The following COQ6 variants were observed in gnomAD, a reference collection of about 807,000 sequenced individuals.
The protein encoded by COQ6 is ubiquinone biosynthesis monooxygenase COQ6, mitochondrial.
Under a neutral mutation model 55.5 loss-of-function variants are expected in COQ6, and 45 were observed. The observed-to-expected ratio is 0.81, with a 90% CI of 0.64 to 1.04. COQ6 has a LOEUF of 1.04. Among genes scored for constraint, COQ6 ranks in the 50% least tolerant of loss-of-function variants. COQ6 has a pLI of 0.00. For synonymous variants in COQ6, 206 were observed against 230.5 expected, an observed-to-expected ratio of 0.89 and a Z score of 0.96; for missense variants, 550 against 601.3, an observed-to-expected ratio of 0.91 and a Z score of 0.89.
chr14:73,962,718 G>A, intron 11 of COQ6: 1 of 516,416 alleles, frequency 1.9e-6, no homozygotes, highest in East Asian at 3.3e-5. Context: ...ATAGGAGGCT[G>A]GGGAGGGAGG....
upstream of COQ6, chr14:73,949,919 A>C (rs2056119931): frequency 6.2e-7 from 1 of 1,606,356 alleles, no homozygotes; most frequent in Non-Finnish European, 8.5e-7. Flanking sequence ...GCAACGCCCA[A>C]CAGTTTCCTC....
intron 3 of COQ6, 53 bp downstream of exon 3, chr14:73,955,562 A>G: frequency 6.5e-7 from 1 of 1,537,730 alleles, no homozygotes; most frequent in Middle Eastern, 1.7e-4. Context: ...GTCTTAAGAT[A>G]TCGGAGTCCA....
chr14:73,963,096 C>T lies in COQ6; in HGVS notation c.*97C>T. 1 of 1,024,984 alleles carries T rather than the reference C, an allele frequency of 9.8e-7. No homozygotes were observed. Among genetic ancestry groups the T allele is most frequent in the Non-Finnish European group, 1.5e-6 (1 of 651,680 alleles). 63.5% of individuals were successfully genotyped at this position (1,024,984 alleles called of 1,614,324 possible). ...TCAAGATCTTATTTAATTTAATAAA[C>T]TTACTTTACATTAAAATTCTCTTTT... On this transcript the variant is annotated 3_prime_UTR_variant, in exon 12 of 12. Coordinates refer to ENST00000334571, the MANE Select transcript of COQ6 (RefSeq NM_182476.3).
rs1268482443 is a variant in COQ6, at chr14:73,953,446, C to T, written c.175C>T (p.His59Tyr). The change falls in exon 2 of 12, where the codon CAC becomes TAC. Residue 59 changes from histidine (H) to tyrosine (Y), a missense_variant. His to Tyr is a moderately conservative substitution (Grantham distance 83, BLOSUM62 2). Coordinates refer to ENST00000334571, the MANE Select transcript of COQ6 (RefSeq NM_182476.3). ...TTTCTTTTTTTAAGGATATGATATT[C>T]ACTTTCATGACAAGAAAATCCTGTT... ...AMACALGYDI[H>Y]FHDKKILLLE... 1.2e-5 allele frequency: 20 copies of T among 1,613,316 alleles called. No individual in the cohort carries two copies. The highest frequency in any genetic ancestry group is 1.7e-5 in the Non-Finnish European group (20 of 1,179,486).
rs549987655 is a variant in COQ6, at chr14:73,960,584, A to G, written c.892-589A>G. ...CCTGGCACAGGTCTAGGTCCTCTGCAGTGCAGTCATTCACCATTAATTGTC... is the reference window on the plus strand; with the variant it reads ...CCTGGCACAGGTCTAGGTCCTCTGCGGTGCAGTCATTCACCATTAATTGTC... On this transcript the variant is annotated intron_variant, in intron 8 of 11. Transcript: ENST00000334571. 1.6e-4 allele frequency: 170 copies of G among 1,033,964 alleles called. No individual in the cohort carries two copies. In the South Asian group the frequency reaches 3.5e-3, roughly 21 times the overall value. 64.0% of individuals were successfully genotyped at this position (1,033,964 alleles called of 1,614,324 possible).
At chr14:73,961,030 G>A in intron 8 of COQ6, 143 bp from the exon 9 acceptor site, 1 of 933,212 alleles carries the variant, frequency 1.1e-6, no homozygotes, top group Non-Finnish European at 1.7e-6. Flanking sequence ...GCACTTGAGG[G>A]GCTTATCACT....
At chr14:73,957,020 GT>G (rs1398236471) in intron 4 of COQ6, among the ~76,000 whole-genome samples, 16 of 152,156 alleles carry the variant, frequency 1.1e-4, no homozygotes, top group Admixed American at 5.9e-4. Context: ...TTGTCTCTGA[GT>G]AGTTTAAGGG....
At chr14:73,962,618 G>T (rs950683865) in intron 11 of COQ6, 3 of 219,646 alleles carry the variant, frequency 1.4e-5, no homozygotes, top group African/African-American at 4.6e-5. Flanking sequence ...TCCTTTTGCT[G>T]CTTGACTAGT....
At chr14:73,956,322 C>T (rs372920477) in intron 4 of COQ6, 2,472 of 133,998 alleles carry the variant, frequency 0.018, 23 homozygotes, top group Middle Eastern at 0.065. Flanking sequence ...AGCAAGACTC[C>T]GTCTCAAAAA....
chr14:73,961,438 C>T lies in COQ6; in HGVS notation c.1095-17C>T. On this transcript the variant is annotated splice_polypyrimidine_tract_variant and intron_variant, in intron 9 of 11. Coordinates refer to ENST00000334571, the MANE Select transcript of COQ6 (RefSeq NM_182476.3). ...TTTGCTGCCAGAGGTCACACCTGAACTCTGCTTTATTCTTAGGGATGCAGC... is the reference window on the plus strand; with the variant it reads ...TTTGCTGCCAGAGGTCACACCTGAATTCTGCTTTATTCTTAGGGATGCAGC... 4 of 1,614,178 alleles carry T rather than the reference C, an allele frequency of 2.5e-6. No individual in the cohort carries two copies. The highest frequency in any genetic ancestry group is 3.4e-6 in the Non-Finnish European group (4 of 1,180,016).
In COQ6 at chr14:73,950,455, G is replaced by A. The variant is rs2056142314; in HGVS notation, c.123G>A (p.Ser41=). 1.2e-6 allele frequency: 2 copies of A among 1,609,828 alleles called. No individual in the cohort carries two copies. Among genetic ancestry groups the A allele is most frequent in the African/African-American group, 2.7e-5 (2 of 74,852 alleles). Residue 41 remains serine (S), a synonymous_variant, in exon 1 of 12, where the codon TCG becomes TCA. Transcript: ENST00000334571. ...STDTVYDVVV[S]GGGLVGAAMA... is the part of the protein sequence containing the mutation. ...ACACCGTGTATGACGTGGTGGTGTCGGGTGGAGGCCTGGTGGGCGCTGCCA... is the reference window on the plus strand; with the variant it reads ...ACACCGTGTATGACGTGGTGGTGTCAGGTGGAGGCCTGGTGGGCGCTGCCA...
At chr14:73,959,701 C>T in intron 8 of COQ6, 179 bp downstream of exon 8, 1 of 1,267,096 alleles carries the variant, frequency 7.9e-7, no homozygotes, top group Non-Finnish European at 1.1e-6. Flanking sequence ...TCCTAAGTAG[C>T]TGGGACTACA....
Position 73,961,473 on chromosome 14 carries a change from C to T in COQ6, c.1113C>T (p.Val371=). The part of the protein sequence containing the change: ...VALIGDAAHR[V]HPLAGQGVNM... ...TTCTTAGGGATGCAGCCCACAGAGT[C>T]CATCCGCTTGCAGGACAGGGTGTCA... The change falls in exon 10 of 12, where the codon GTC becomes GTT. Residue 371 remains valine, a synonymous_variant. Transcript: ENST00000334571. The T allele has an allele frequency of 6.2e-7, 1 of 1,614,206 alleles. No homozygotes were observed. The highest frequency in any genetic ancestry group is 1.1e-5 in the South Asian group (1 of 91,076).
chr14:73,950,276 A>C (rs933505094), upstream of COQ6: 1 of 1,539,586 alleles, frequency 6.5e-7, no homozygotes, highest in South Asian at 1.2e-5. Flanking sequence ...TCTGCTCCGG[A>C]CGCACTACGT....
At chr14:73,959,925 C>T in intron 8 of COQ6, 4 of 1,164,390 alleles carry the variant, frequency 3.4e-6, no homozygotes, top group Non-Finnish European at 4.3e-6. Flanking sequence ...TCCCTTTCTA[C>T]TTTGTAACTA....
At chr14:73,951,038 C>T (rs1408897871) in intron 1 of COQ6, among the ~76,000 whole-genome samples, 2 of 152,182 alleles carry the variant, frequency 1.3e-5, no homozygotes, top group African/African-American at 4.8e-5. Flanking sequence ...TCCGCTGTGC[C>T]CAGGCTGCAG....
At chr14:73,962,411 A>G (rs946009892) in intron 11 of COQ6, among the ~76,000 whole-genome samples, 3 of 152,130 alleles carry the variant, frequency 2.0e-5, no homozygotes, top group Non-Finnish European at 4.4e-5. Flanking sequence ...AAAATAGTGA[A>G]TAGGGAGTGT....
chr14:73,951,765 C>G (rs2056203316), intron 1 of COQ6, among the ~76,000 whole-genome samples: 1 of 150,594 alleles, frequency 6.6e-6, no homozygotes, highest in Non-Finnish European at 1.5e-5. Context: ...ACACCCTGAT[C>G]TAAGGGCAGC....
intron 8 of COQ6, 121 bp from the exon 9 acceptor site, chr14:73,961,052 G>A (rs2140416515): frequency 8.9e-7 from 1 of 1,126,702 alleles, no homozygotes. Flanking sequence ...GTCAAGATCA[G>A]TGTAGGCAAG....
Sources: allele counts gnomAD v4.1 joint callset (sites outside exome capture counted in the v4.1 genomes callset), GRCh38; gene constraint gnomAD v4.1.1; transcripts MANE v1.5; gene names NCBI Gene and HGNC (gene_info 2026-07-23, HGNC 2026-07-21).